The following ITPR2 variants were observed in gnomAD, a reference collection of about 807,000 sequenced individuals.
ITPR2 encodes the protein inositol 1,4,5-trisphosphate receptor type 2, also known as inositol 1,4,5-trisphosphate-gated calcium channel ITPR2.
In ITPR2, 207 loss-of-function variants were observed where a neutral mutation model predicts 317.1. The observed-to-expected ratio is 0.65, with a 90% CI of 0.58 to 0.73. The LOEUF is 0.73. Among genes scored for constraint, ITPR2 ranks in the 30% least tolerant of loss-of-function variants. The pLI is 0.00. For synonymous variants in ITPR2, 1,156 were observed against 1,149.1 expected (o/e 1.01, Z -0.12); for missense variants, 2,613 against 3,284.0 (o/e 0.80, Z 4.99).
At chr12:26,485,130 T>C (rs376639214) in intron 41 of ITPR2, among the ~76,000 whole-genome samples, 68 of 152,274 alleles carry the variant, frequency 4.5e-4, no homozygotes, top group South Asian at 8.3e-4. Flanking sequence ...TTCAGTCAAG[T>C]TCTCTAGATT....
chr12:26,346,492 G>A (rs759478433), intron 55 of ITPR2, among the ~76,000 whole-genome samples: 3 of 152,054 alleles, frequency 2.0e-5, no homozygotes, highest in African/African-American at 7.2e-5. Flanking sequence ...GTGTGGTAGC[G>A]GGCACCTGTA....
At chr12:26,507,863 C>CTGTGTGTGTGTGTGTGTG (rs1555144092) in intron 37 of ITPR2, among the ~76,000 whole-genome samples, 2 of 132,202 alleles carry the variant, frequency 1.5e-5, no homozygotes, top group South Asian at 2.4e-4. Flanking sequence ...CTCTCTGTCT[C>CTGTGTGTGTGTGTGTGTG]TGTGTGTGTG....
chr12:26,699,854 T>G (rs776503571), intron 9 of ITPR2, among the ~76,000 whole-genome samples: 3 of 152,098 alleles, frequency 2.0e-5, no homozygotes, highest in Non-Finnish European at 4.4e-5. Context: ...AAATTATTTT[T>G]TAAAGAAGGA....
chr12:26,481,266 T>TG, intron 42 of ITPR2, 25 bp from the exon 43 acceptor site: 1 of 1,323,032 alleles, frequency 7.6e-7, no homozygotes, highest in Non-Finnish European at 1.1e-6. Context: ...ATTTGTAAAA[T>TG]ATCATTTTAT....
At chr12:26,701,067 C>T (rs764728476) in intron 9 of ITPR2, among the ~76,000 whole-genome samples, 1 of 152,058 alleles carries the variant, frequency 6.6e-6, no homozygotes, top group Non-Finnish European at 1.5e-5. Context: ...ATACAGAGAC[C>T]CATTACTAAT....
At chr12:26,467,156 T>C (rs779286308) in intron 45 of ITPR2, among the ~76,000 whole-genome samples, 3 of 152,238 alleles carry the variant, frequency 2.0e-5, no homozygotes, top group African/African-American at 4.8e-5. Flanking sequence ...AATTAAACTT[T>C]AGCTATTTGG....
At chr12:26,630,274 C>A (rs140809017) in intron 22 of ITPR2, among the ~76,000 whole-genome samples, 1 of 152,028 alleles carries the variant, frequency 6.6e-6, no homozygotes, top group African/African-American at 2.4e-5. Flanking sequence ...ACTTTCATTT[C>A]TCTAATACGC....
intron 37 of ITPR2, among the ~76,000 whole-genome samples, chr12:26,522,922 T>C (rs1943702633): frequency 6.6e-6 from 1 of 152,258 alleles, no homozygotes; most frequent in Non-Finnish European, 1.5e-5. Flanking sequence ...ACTGTACACC[T>C]AATCCCTGTT....
chr12:26,765,667 G>A (rs147012328), intron 2 of ITPR2, among the ~76,000 whole-genome samples: 279 of 152,128 alleles, frequency 1.8e-3, no homozygotes, highest in African/African-American at 6.3e-3. Context: ...ATACCATTAA[G>A]CTCACTTATT....
intron 46 of ITPR2, among the ~76,000 whole-genome samples, chr12:26,441,329 C>T (rs1412783598): frequency 6.6e-6 from 1 of 152,084 alleles, no homozygotes; most frequent in East Asian, 1.9e-4. Flanking sequence ...AAGTCTATAA[C>T]TTGCAGACAA....
intron 54 of ITPR2, among the ~76,000 whole-genome samples, chr12:26,388,182 C>G (rs577690947): frequency 2.0e-5 from 3 of 152,212 alleles, no homozygotes; most frequent in Admixed American, 2.0e-4. Context: ...GTTCCATTTC[C>G]AGGGCACATT....
chr12:26,628,671 T>C (rs527634406), intron 22 of ITPR2, among the ~76,000 whole-genome samples: 16 of 152,316 alleles, frequency 1.1e-4, no homozygotes, highest in Admixed American at 8.5e-4. Flanking sequence ...GGTGTTTGTG[T>C]TTCCTTGAGT....
chr12:26,821,591 T>A (rs1169632733), intron 1 of ITPR2, among the ~76,000 whole-genome samples: 2 of 152,230 alleles, frequency 1.3e-5, no homozygotes, highest in African/African-American at 4.8e-5. Flanking sequence ...AATTTCCTTC[T>A]TTCCGTAAGC....
chr12:26,609,231 A>C (rs1223849180), intron 26 of ITPR2, among the ~76,000 whole-genome samples: 1 of 152,226 alleles, frequency 6.6e-6, no homozygotes, highest in East Asian at 1.9e-4. Context: ...ATCAATCACT[A>C]TTATTTCCTC....
At position 26,829,012 on chromosome 12, in the gene ITPR2, T is replaced by C. The variant is rs189634603; in HGVS notation, c.92+3678A>G. Among the ~76,000 whole-genome samples the C allele has an allele frequency of 3.3e-4, 51 of 152,318 alleles. No individual in the cohort carries two copies. In the East Asian group the frequency reaches 4.6e-3, roughly 14 times the overall value. ...GTTTCCTCTTCTCTCTTATATGAATTTTAAATGTAATTCTTAGAAGAATAG... is the reference window on the plus strand; with the variant it reads ...GTTTCCTCTTCTCTCTTATATGAATCTTAAATGTAATTCTTAGAAGAATAG... On this transcript the variant is annotated intron_variant, in intron 1 of 56. Coordinates refer to ENST00000381340, the MANE Select transcript of ITPR2 (RefSeq NM_002223.4).
Position 26,419,035 on chromosome 12 carries a change from A to G in ITPR2, c.7110+14T>C, listed in dbSNP as rs751334265. 6.2e-7 allele frequency: 1 copy of G among 1,606,288 alleles called. No homozygotes were observed. Among genetic ancestry groups the G allele is most frequent in the Non-Finnish European group, 8.5e-7 (1 of 1,175,812 alleles). ...CTTTTTCAGCAGTGATTGTCCACAT[A>G]GAGATGTACTCACCAGGAAGCTATA... is the stretch of plus-strand genomic sequence containing the variant. On this transcript the variant is annotated intron_variant, in intron 50 of 56. Coordinates refer to ENST00000381340, the MANE Select transcript of ITPR2 (RefSeq NM_002223.4).
At chr12:26,628,862 G>C (rs1946683385) in intron 22 of ITPR2, among the ~76,000 whole-genome samples, 2 of 152,176 alleles carry the variant, frequency 1.3e-5, no homozygotes, top group African/African-American at 4.8e-5. Flanking sequence ...GGAAACTATT[G>C]AGAGCTAAAT....
chr12:26,492,052 C>T (rs1209423597), intron 39 of ITPR2, among the ~76,000 whole-genome samples: 1 of 152,070 alleles, frequency 6.6e-6, no homozygotes, highest in Non-Finnish European at 1.5e-5. Context: ...TCCAAAGAAA[C>T]TTGGGAGTTA....
At chr12:26,772,530 T>C (rs1220737503) in intron 2 of ITPR2, among the ~76,000 whole-genome samples, 2 of 136,970 alleles carry the variant, frequency 1.5e-5, no homozygotes, top group Non-Finnish European at 1.6e-5. Flanking sequence ...TTATTATATA[T>C]AATACATGTA....
Sources: allele counts gnomAD v4.1 joint callset (sites outside exome capture counted in the v4.1 genomes callset), GRCh38; gene constraint gnomAD v4.1.1; transcripts MANE v1.5; gene names NCBI Gene and HGNC (gene_info 2026-07-23, HGNC 2026-07-21).